SLIT2: variants seen among roughly 807,000 people sequenced by gnomAD.
SLIT2 encodes slit homolog 2 protein.
In SLIT2, 41 loss-of-function variants were observed where a neutral mutation model predicts 185.7. That is an observed-to-expected ratio of 0.22 (90% CI 0.17 to 0.29). The LOEUF (loss-of-function observed/expected upper bound fraction) is 0.29. SLIT2 is among the 10% of genes least tolerant of loss of function. The probability of loss-of-function intolerance (pLI) is 1.00; values close to 1 mark genes in which losing one functional copy is unlikely to be tolerated. For synonymous variants in SLIT2, 693 were observed against 680.2 expected (o/e 1.02, Z -0.29); for missense variants, 1,571 against 1,909.0 (o/e 0.82, Z 3.30).
chr4:20,385,694 T>C (rs1432001932), intron 4 of SLIT2, among the ~76,000 whole-genome samples: 1 of 152,172 alleles, frequency 6.6e-6, no homozygotes, highest in Non-Finnish European at 1.5e-5. Context: ...ATACCAGCAC[T>C]TAGGAACTTC....
chr4:20,454,665 C>A (rs977156697), intron 4 of SLIT2, among the ~76,000 whole-genome samples: 5 of 152,104 alleles, frequency 3.3e-5, no homozygotes, highest in African/African-American at 4.8e-5. Context: ...CCATCTAAAG[C>A]AAATTTATTG....
chr4:20,524,783 T>C (rs1721140551), intron 14 of SLIT2, among the ~76,000 whole-genome samples: 1 of 152,246 alleles, frequency 6.6e-6, no homozygotes, highest in Admixed American at 6.5e-5. Flanking sequence ...ATGCATTGTA[T>C]TGATATTAAA....
At chr4:20,617,330 A>G (rs1729742727) in intron 35 of SLIT2, 109 bp from the exon 36 acceptor site, 1 of 1,351,998 alleles carries the variant, frequency 7.4e-7, no homozygotes, top group Admixed American at 1.9e-5. Flanking sequence ...AGGCATTAGC[A>G]CTCTGTCCCT....
At chr4:20,608,935 G>T (rs1728996296) in intron 33 of SLIT2, among the ~76,000 whole-genome samples, 1 of 152,008 alleles carries the variant, frequency 6.6e-6, no homozygotes, top group Non-Finnish European at 1.5e-5. Context: ...CAGCATGTTA[G>T]ATCTTTAATA....
intron 4 of SLIT2, among the ~76,000 whole-genome samples, chr4:20,416,122 G>T (rs891704206): frequency 6.6e-6 from 1 of 152,114 alleles, no homozygotes; most frequent in African/African-American, 2.4e-5. Flanking sequence ...TGTCACTCTT[G>T]AATGTATTAT....
intron 4 of SLIT2, among the ~76,000 whole-genome samples, chr4:20,431,379 GTTTTAT>G (rs979710127): frequency 4.6e-5 from 7 of 152,144 alleles, no homozygotes; most frequent in South Asian, 2.1e-4. Flanking sequence ...AAATATTTGT[GTTTTAT>G]TTTTATTTTT....
At chr4:20,502,672 T>A (rs1718848303) in intron 9 of SLIT2, among the ~76,000 whole-genome samples, 1 of 151,986 alleles carries the variant, frequency 6.6e-6, no homozygotes, top group Admixed American at 6.6e-5. Flanking sequence ...CCCAGGAAAA[T>A]GATAGAGTAG....
intron 4 of SLIT2, among the ~76,000 whole-genome samples, chr4:20,448,209 G>A (rs957865052): frequency 6.6e-6 from 1 of 152,062 alleles, no homozygotes; most frequent in Non-Finnish European, 1.5e-5. Flanking sequence ...TAGTTTAAAG[G>A]TACTAAATAT....
At chr4:20,318,412 A>G (rs1718778598) in intron 4 of SLIT2, among the ~76,000 whole-genome samples, 1 of 152,206 alleles carries the variant, frequency 6.6e-6, no homozygotes, top group South Asian at 2.1e-4. Context: ...TACCAAAAGT[A>G]GAATAGGTGA....
intron 4 of SLIT2, among the ~76,000 whole-genome samples, chr4:20,404,729 G>A (rs1419573720): frequency 6.6e-6 from 1 of 151,944 alleles, no homozygotes; most frequent in Non-Finnish European, 1.5e-5. Context: ...GCACATTTCT[G>A]TATAGTTATA....
rs561349231 is a variant in SLIT2 at position 20,452,879 on chromosome 4, T to A, written c.396-14873T>A. Among the ~76,000 whole-genome samples, 536 of 152,292 alleles carry A rather than the reference T, an allele frequency of 3.5e-3. 2 individuals are homozygous for A. Among genetic ancestry groups the A allele is most frequent in the African/African-American group, 0.012 (513 of 41,558 alleles). On this transcript the variant is annotated intron_variant, in intron 4 of 36. Transcript: ENST00000504154. ...GTGGCAGGGATGCTGGAATTGCAGG[T>A]GCTCACCCCCAAGACCTCTATTCAT...
At chr4:20,445,510 T>G (rs1711666162) in intron 4 of SLIT2, among the ~76,000 whole-genome samples, 1 of 152,212 alleles carries the variant, frequency 6.6e-6, no homozygotes. Context: ...TCATTTCTGC[T>G]TCAGAGTATT....
chr4:20,374,963 G>C (rs1423206304), intron 4 of SLIT2, among the ~76,000 whole-genome samples: 1 of 151,992 alleles, frequency 6.6e-6, no homozygotes, highest in Non-Finnish European at 1.5e-5. Flanking sequence ...TTGTTGTTTA[G>C]CCTTTTTTAT....
intron 29 of SLIT2, among the ~76,000 whole-genome samples, chr4:20,578,285 G>A (rs1352905409): frequency 6.6e-6 from 1 of 152,154 alleles, no homozygotes; most frequent in African/African-American, 2.4e-5. Context: ...ATGCCCTCAA[G>A]TAGTGTACTT....
intron 4 of SLIT2, among the ~76,000 whole-genome samples, chr4:20,440,382 A>C (rs553360983): frequency 6.6e-6 from 1 of 152,338 alleles, no homozygotes; most frequent in African/African-American, 2.4e-5. Context: ...CTCTCAAAGA[A>C]GATATATGGT....
intron 20 of SLIT2, among the ~76,000 whole-genome samples, chr4:20,541,852 T>TA (rs35482672): frequency 0.21 from 31,666 of 152,140 alleles, 3,972 homozygotes; most frequent in Middle Eastern, 0.36. Flanking sequence ...AGTTTCCAAC[T>TA]TGTGGTTGGT....
At chr4:20,274,482 T>C (rs1407642049) in intron 4 of SLIT2, among the ~76,000 whole-genome samples, 1 of 152,166 alleles carries the variant, frequency 6.6e-6, no homozygotes, top group Non-Finnish European at 1.5e-5. Flanking sequence ...TCTACTTTTA[T>C]TTTTTAAATC....
chr4:20,540,709 GTC>G lies in SLIT2; in HGVS notation c.1977-743_1977-742del, dbSNP rs879629265. On this transcript the variant is annotated intron_variant, in intron 19 of 36. Coordinates refer to ENST00000504154, the MANE Select transcript of SLIT2 (RefSeq NM_004787.4). The stretch of plus-strand genomic sequence containing the variant: ...ATAGAGAAAAAAGTTCATAGCTCAA[GTC>G]AGTGAAGAAATAATTTGAGAGAAGC... Among the ~76,000 whole-genome samples, 525 of 152,262 alleles carry G rather than the reference GTC, an allele frequency of 3.4e-3. 10 individuals carry two copies. The South Asian group carries it at 0.059, about 17-fold the overall frequency.
chr4:20,571,005 C>T (rs1003110472), intron 29 of SLIT2, among the ~76,000 whole-genome samples: 1 of 152,000 alleles, frequency 6.6e-6, no homozygotes, highest in Non-Finnish European at 1.5e-5. Flanking sequence ...CACATGTTTT[C>T]TCCTATTCTA....
Sources: gnomAD v4.1 joint callset for allele counts (sites outside exome capture counted in the v4.1 genomes callset) on GRCh38, gnomAD v4.1.1 for gene constraint, MANE v1.5 for transcripts, NCBI Gene and HGNC (gene_info 2026-07-23, HGNC 2026-07-21) for gene names.